OSBPL2: variants seen among roughly 807,000 people sequenced by gnomAD.
The protein encoded by OSBPL2 is oxysterol-binding protein-related protein 2.
Under a neutral mutation model 58.4 loss-of-function variants are expected in OSBPL2, and 18 were observed. The ratio of observed to expected loss-of-function variants is 0.31; its 90% CI spans 0.21 to 0.46. OSBPL2 has a LOEUF of 0.46. Among genes scored for constraint, OSBPL2 ranks in the 20% least tolerant of loss-of-function variants. OSBPL2 has a pLI of 1.00. For missense variants in OSBPL2, 461 were observed against 616.5 expected, an observed-to-expected ratio of 0.75 and a Z score of 2.67; for synonymous variants, 221 against 234.1, an observed-to-expected ratio of 0.94 and a Z score of 0.51.
chr20:62,243,409 C>T (rs1380727291), intron 1 of OSBPL2, among the ~76,000 whole-genome samples: 1 of 152,062 alleles, frequency 6.6e-6, no homozygotes, highest in East Asian at 1.9e-4. Context: ...TGCAGAGGTG[C>T]CCGAGGAGCC....
intron 1 of OSBPL2, among the ~76,000 whole-genome samples, chr20:62,243,634 C>T (rs558990618): frequency 1.2e-4 from 19 of 152,032 alleles, no homozygotes; most frequent in Non-Finnish European, 1.9e-4. Flanking sequence ...CTGGGTTTCC[C>T]GGGAGGGGCC....
chr20:62,278,220 T>C (rs192670028), intron 6 of OSBPL2: 289 of 183,082 alleles, frequency 1.6e-3, no homozygotes, highest in African/African-American at 6.7e-3. Flanking sequence ...CCAAGTGCGA[T>C]GTCATGTTTG....
rs962746384 is a variant in OSBPL2 at position 62,279,636 on chromosome 20, C to T, written c.674+297C>T. On this transcript the variant is annotated intron_variant, in intron 7 of 13. Coordinates refer to ENST00000313733, the MANE Select transcript of OSBPL2 (RefSeq NM_144498.4). ...TCACGTCTGCAGTTGGAACTCACCC[C>T]GCTTTCCGGCATCATTCATTGTATT... The T allele has an allele frequency of 3.7e-5, 17 of 458,762 alleles. 1 individual carries two copies. In the Middle Eastern group the frequency reaches 1.8e-3, roughly 49 times the overall value. The allele number at this position is 458,762 out of a possible 1,614,324, so 28.4% of individuals were successfully genotyped here.
At chr20:62,255,958 A>G in intron 1 of OSBPL2, 99 bp from the exon 2 acceptor site, 1 of 483,658 alleles carries the variant, frequency 2.1e-6, no homozygotes, top group South Asian at 2.7e-5. Flanking sequence ...CTTACATGGA[A>G]TTTAGATTGA....
rs1322603965 is a variant in OSBPL2 at position 62,279,267 on chromosome 20, A to C, written c.602A>C (p.Tyr201Ser). Residue 201 changes from tyrosine (Y) to serine (S), a missense_variant, in exon 7 of 14, where the codon TAC becomes TCC. By Grantham distance (144) the Tyr-to-Ser change is moderately radical. This residue lies in a region of OSBPL2 where 319 missense variants were observed against 419.2 expected (regional missense o/e 0.76). Coordinates refer to ENST00000313733, the MANE Select transcript of OSBPL2 (RefSeq NM_144498.4). ...NHDFLFHGSI[Y>S]PKLKFWGKSV... ...GACTTCCTGTTCCATGGCTCCATCT[A>C]CCCCAAGCTCAAGTTCTGGGGCAAA... The C allele has an allele frequency of 6.2e-7, 1 of 1,614,062 alleles. No homozygotes were observed. Among genetic ancestry groups the C allele is most frequent in the South Asian group, 1.1e-5 (1 of 91,064 alleles).
chr20:62,290,411 G>GTTTTTTTTT (rs3065795), intron 12 of OSBPL2, among the ~76,000 whole-genome samples: 9 of 76,370 alleles, frequency 1.2e-4, no homozygotes, highest in Non-Finnish European at 2.0e-4. Context: ...AATTTTTTGG[G>GTTTTTTTTT]TTTTTTTTTT....
intron 12 of OSBPL2, among the ~76,000 whole-genome samples, chr20:62,290,124 G>A (rs1180548667): frequency 1.3e-5 from 2 of 152,186 alleles, no homozygotes; most frequent in African/African-American, 4.8e-5. Context: ...GCGTTCATCT[G>A]TAACATGGCA....
intron 7 of OSBPL2, 22 bp from the exon 8 acceptor site, chr20:62,281,036 T>C: frequency 6.3e-7 from 1 of 1,584,028 alleles, no homozygotes; most frequent in East Asian, 2.2e-5. Flanking sequence ...CTCTCACTGC[T>C]TGTTTTCTGG....
chr20:62,274,057 TCA>T (rs914757752), intron 6 of OSBPL2, among the ~76,000 whole-genome samples: 5 of 152,116 alleles, frequency 3.3e-5, no homozygotes, highest in African/African-American at 9.7e-5. Flanking sequence ...GGCCCTCACC[TCA>T]CAGACGTGAG....
At chr20:62,293,680 C>T in intron 13 of OSBPL2, 105 bp from the exon 14 acceptor site, 1 of 938,086 alleles carries the variant, frequency 1.1e-6, no homozygotes. Context: ...ACCCACGTTA[C>T]CGTGATGGTG....
chr20:62,256,961 A>G (rs562554537), intron 2 of OSBPL2, among the ~76,000 whole-genome samples: 1 of 152,260 alleles, frequency 6.6e-6, no homozygotes, highest in African/African-American at 2.4e-5. Flanking sequence ...TTTTCTGGAA[A>G]GGACCATTGC....
Position 62,279,172 on chromosome 20 carries a change from C to T in OSBPL2, c.507C>T (p.Phe169=), listed in dbSNP as rs754226217. Residue 169 remains phenylalanine (F), a synonymous_variant, in exon 7 of 14, where the codon TTC becomes TTT. Coordinates refer to ENST00000313733, the MANE Select transcript of OSBPL2 (RefSeq NM_144498.4). ...TTTGACCTAGGGAAGATTTAGGATT[C>T]AGATTTATATCGGAACAGGTCAGTC... ...TYELIREDLG[F]RFISEQVSHH... is the part of the protein sequence containing the mutation. 1 of 1,609,512 alleles carries T rather than the reference C, an allele frequency of 6.2e-7. No homozygotes were observed. Among genetic ancestry groups the T allele is most frequent in the African/African-American group, 1.3e-5 (1 of 74,724 alleles).
intron 3 of OSBPL2, among the ~76,000 whole-genome samples, chr20:62,261,635 A>T (rs1357307770): frequency 6.6e-6 from 1 of 151,714 alleles, no homozygotes; most frequent in Non-Finnish European, 1.5e-5. Context: ...GGTCGCTTTA[A>T]ATGCTGTTAG....
chr20:62,280,465 T>C (rs1982707554), intron 7 of OSBPL2, among the ~76,000 whole-genome samples: 2 of 152,346 alleles, frequency 1.3e-5, no homozygotes, highest in South Asian at 2.1e-4. Context: ...CCCCAGGAAA[T>C]TGAGAGAATT....
chr20:62,293,916 C>A lies in OSBPL2; in HGVS notation c.*29C>A. ...CCTGGAGGGGCCTGGGGCCCGGGAC[C>A]GGAGGCTGACGAGGCTGGACTTCCT... On this transcript the variant is annotated 3_prime_UTR_variant, in exon 14 of 14. Transcript: ENST00000313733. The A allele has an allele frequency of 6.2e-7, 1 of 1,606,780 alleles. No homozygotes were observed.
chr20:62,241,080 A>G (rs6062162), intron 1 of OSBPL2, among the ~76,000 whole-genome samples: 149,147 of 152,298 alleles, frequency 0.98, 73,105 homozygotes, highest in East Asian at 1. Flanking sequence ...TGTTAATGAG[A>G]GGTGCTGTTT....
intron 6 of OSBPL2, among the ~76,000 whole-genome samples, chr20:62,275,196 C>T (rs1008431399): frequency 1.3e-5 from 2 of 151,934 alleles, no homozygotes; most frequent in Non-Finnish European, 2.9e-5. Context: ...CAGACCGTGT[C>T]TCTTTAAAAA....
At chr20:62,286,488 G>C in intron 10 of OSBPL2, 95 bp from the exon 11 acceptor site, 1 of 1,391,558 alleles carries the variant, frequency 7.2e-7, no homozygotes. Context: ...GCTCTGCTCA[G>C]GTGACTGGTC....
At chr20:62,275,099 C>T (rs1200232700) in intron 6 of OSBPL2, among the ~76,000 whole-genome samples, 1 of 152,112 alleles carries the variant, frequency 6.6e-6, no homozygotes, top group East Asian at 1.9e-4. Context: ...ATACCTGCAA[C>T]TCAGGAGGCG....
Sources: gnomAD v4.1 joint callset for allele counts (sites outside exome capture counted in the v4.1 genomes callset) on GRCh38, gnomAD v4.1.1 for gene constraint, gnomAD v4.1.1 regional missense constraint, MANE v1.5 for transcripts, NCBI Gene and HGNC (gene_info 2026-07-23, HGNC 2026-07-21) for gene names.